Variants in TTLL8 observed in about 807,000 individuals in gnomAD.
TTLL8 encodes tubulin tyrosine ligase like 8.
TTLL8 carries 65 observed loss-of-function variants against 77.8 expected under a neutral mutation model. That is an observed-to-expected ratio of 0.84 (90% CI 0.68 to 1.03). TTLL8 has a LOEUF of 1.03. Among genes scored for constraint, TTLL8 ranks in the 50% least tolerant of loss-of-function variants. TTLL8 has a pLI of 0.00. For synonymous variants in TTLL8, 402 were observed against 422.8 expected, an observed-to-expected ratio of 0.95 and a Z score of 0.60; for missense variants, 910 against 1,004.5, an observed-to-expected ratio of 0.91 and a Z score of 1.27.
At position 50,034,819 on chromosome 22, in the gene TTLL8, G is replaced by A. The variant is rs1008239285; in HGVS notation, c.922-357C>T. Reference sequence around the variant, plus strand: ...TGGGGGTGGGGAGATGCAGCCACGCGGAAACGTGGGAGACACAGGCGGGGG... The same window carrying A: ...TGGGGGTGGGGAGATGCAGCCACGCAGAAACGTGGGAGACACAGGCGGGGG... On this transcript the variant is annotated intron_variant, in intron 8 of 13. Transcript: ENST00000266182. The surrounding 1 kb of genome is among the most constrained non-coding windows in gnomAD (Gnocchi z 4.1). Among the ~76,000 whole-genome samples the A allele has an allele frequency of 1.3e-5, 2 of 152,200 alleles. No homozygotes were observed. The highest frequency in any genetic ancestry group is 1.3e-4 in the Admixed American group (2 of 15,284).
At chr22:50,020,889 ACTCCTC>A (rs2061193138) in intron 12 of TTLL8, among the ~76,000 whole-genome samples, 1 of 130,642 alleles carries the variant, frequency 7.7e-6, no homozygotes, top group African/African-American at 3.0e-5. Context: ...TCTGACGTGC[ACTCCTC>A]CATCTGACGT....
intron 8 of TTLL8, among the ~76,000 whole-genome samples, chr22:50,039,443 G>A (rs2061355125): frequency 6.6e-6 from 1 of 152,164 alleles, no homozygotes; most frequent in South Asian, 2.1e-4. Flanking sequence ...TAATGGCCTA[G>A]AGTATTCTAA....
At position 50,034,051 on chromosome 22, in the gene TTLL8, A is replaced by G. The variant is rs997961752; in HGVS notation, c.1039+294T>C. ...TCCGTTTCAAAAAACTAAAAATAAA[A>G]TAATAAAAATAAAAAACTAAAAAGG... is the stretch of plus-strand genomic sequence containing the variant. On this transcript the variant is annotated intron_variant, in intron 9 of 13. Coordinates refer to ENST00000266182, the Ensembl canonical transcript of TTLL8. This position sits in a 1 kb window ranked among gnomAD's most constrained non-coding sequence, Gnocchi z 4.1. Among the ~76,000 whole-genome samples, 1 of 152,242 alleles carries G rather than the reference A, an allele frequency of 6.6e-6. No individual in the cohort carries two copies. Among genetic ancestry groups the G allele is most frequent in the Admixed American group, 6.5e-5 (1 of 15,284 alleles).
chr22:50,056,819 C>CG, upstream of TTLL8: 3 of 1,289,594 alleles, frequency 2.3e-6, no homozygotes, highest in South Asian at 2.5e-5. This position sits in a 1 kb window ranked among gnomAD's most constrained non-coding sequence, Gnocchi z 4.1. Flanking sequence ...CCTCTGAGCC[C>CG]GGGCCACTCT....
At chr22:50,027,681 C>T in intron 12 of TTLL8, 1 of 985,452 alleles carries the variant, frequency 1.0e-6, no homozygotes, top group Non-Finnish European at 1.2e-6. Context: ...CGGACTGGGC[C>T]TGGTGACCCT....
At chr22:50,050,684 A>G (rs985295694) in intron 1 of TTLL8, among the ~76,000 whole-genome samples, 6 of 152,228 alleles carry the variant, frequency 3.9e-5, no homozygotes, top group African/African-American at 1.4e-4. Context: ...AGTTAAAAAA[A>G]GTAATAATAA....
intron 5 of TTLL8, among the ~76,000 whole-genome samples, chr22:50,045,621 C>A (rs2061405180): frequency 6.6e-6 from 1 of 152,196 alleles, no homozygotes; most frequent in African/African-American, 2.4e-5. Flanking sequence ...CGGCCTTGCC[C>A]CAGCTGCTCG....
chr22:50,056,176 G>A (rs2061469719), upstream of TTLL8, among the ~76,000 whole-genome samples: 1 of 152,212 alleles, frequency 6.6e-6, no homozygotes, highest in African/African-American at 2.4e-5. This position sits in a 1 kb window ranked among gnomAD's most constrained non-coding sequence, Gnocchi z 4.1. Flanking sequence ...ATCTGACAAA[G>A]AGCATGTATC....
intron 6 of TTLL8, among the ~76,000 whole-genome samples, chr22:50,043,760 C>T (rs2061391002): frequency 6.6e-6 from 1 of 152,076 alleles, no homozygotes; most frequent in South Asian, 2.1e-4. Context: ...CGAAGAAGCC[C>T]ATCTGAAAAC....
chr22:50,036,734 G>T (rs2061339503), intron 8 of TTLL8, among the ~76,000 whole-genome samples: 1 of 152,044 alleles, frequency 6.6e-6, no homozygotes, highest in Non-Finnish European at 1.5e-5. Context: ...AAGTAGCTGG[G>T]ATTACAGGCA....
chr22:50,056,739 T>A (rs772024012), upstream of TTLL8: 1 of 1,271,568 alleles, frequency 7.9e-7, no homozygotes. This position sits in a 1 kb window ranked among gnomAD's most constrained non-coding sequence, Gnocchi z 4.1. Flanking sequence ...AGGCGCCTGG[T>A]TCTGCAGCTC....
chr22:50,041,773 G>C lies in TTLL8; in HGVS notation c.678C>G (p.Leu226=). The C allele has an allele frequency of 7.3e-7, 1 of 1,364,038 alleles. No homozygotes were observed. The highest frequency in any genetic ancestry group is 9.8e-7 in the Non-Finnish European group (1 of 1,020,576). The allele number at this position is 1,364,038 out of a possible 1,614,324, so 84.5% of individuals were successfully genotyped here. Residue 226 remains leucine, a synonymous_variant, in exon 7 of 14, where the codon CTC becomes CTG. Coordinates refer to ENST00000266182, the Ensembl canonical transcript of TTLL8. This position sits in a 1 kb window ranked among gnomAD's most constrained non-coding sequence, Gnocchi z 4.3. ...ACGCGATGTCCACAAGCTGCCCCGG[G>C]AGGCCCCTGAGCTTTGCCTCAGCAT...
chr22:50,056,599 A>G (rs1223322225), upstream of TTLL8, among the ~76,000 whole-genome samples: 1 of 152,194 alleles, frequency 6.6e-6, no homozygotes, highest in Non-Finnish European at 1.5e-5. The surrounding 1 kb of genome is among the most constrained non-coding windows in gnomAD (Gnocchi z 4.1). Flanking sequence ...ACCCGCCAGG[A>G]GAGCCCTCCA....
chr22:50,027,790 C>T lies in TTLL8; in HGVS notation c.2203+2640G>A, dbSNP rs966262028. The T allele has an allele frequency of 8.1e-6, 8 of 985,472 alleles. No individual in the cohort carries two copies. The African/African-American group carries it at 1.4e-4, about 17-fold the overall frequency. 61.0% of individuals were successfully genotyped at this position (985,472 alleles called of 1,614,324 possible). On this transcript the variant is annotated intron_variant, in intron 12 of 13. Transcript: ENST00000266182. Reference sequence around the variant, plus strand: ...ACACCAGGCGAGCACTAGCCTGAGGCCGAGGGGCACATGGAGCTGGCCTGA... The same window carrying T: ...ACACCAGGCGAGCACTAGCCTGAGGTCGAGGGGCACATGGAGCTGGCCTGA...
At chr22:50,022,098 GTGC>G in intron 12 of TTLL8, among the ~76,000 whole-genome samples, 1 of 136,598 alleles carries the variant, frequency 7.3e-6, no homozygotes, top group East Asian at 2.3e-4. Context: ...TCCATCTGAC[GTGC>G]ACTCCTCCAT....
intron 1 of TTLL8, among the ~76,000 whole-genome samples, chr22:50,054,071 T>C (rs1004968291): frequency 6.6e-6 from 1 of 152,202 alleles, no homozygotes; most frequent in African/African-American, 2.4e-5. Flanking sequence ...CACCATGCCG[T>C]GCACCTGCAG....
At chr22:50,042,011 GTGTC>G (rs2146675219) in intron 6 of TTLL8, among the ~76,000 whole-genome samples, 1 of 152,316 alleles carries the variant, frequency 6.6e-6, no homozygotes, top group Non-Finnish European at 1.5e-5. Flanking sequence ...TGTCACGCCT[GTGTC>G]TGGGCAGGTG....
chr22:50,040,647 T>G (rs572694701), intron 8 of TTLL8, among the ~76,000 whole-genome samples: 2 of 152,334 alleles, frequency 1.3e-5, no homozygotes, highest in East Asian at 3.9e-4. Flanking sequence ...ATACACTGTG[T>G]GCCCTTAACC....
intron 12 of TTLL8, chr22:50,027,868 G>T (rs1251816944): frequency 1.1e-5 from 10 of 931,364 alleles, no homozygotes; most frequent in Non-Finnish European, 1.3e-5. Context: ...GTGCCCTCGA[G>T]GGCCTGACCG....
Sources: allele counts gnomAD v4.1 joint callset (sites outside exome capture counted in the v4.1 genomes callset), GRCh38; gene constraint gnomAD v4.1.1; non-coding constraint Gnocchi (gnomAD v3.1); transcripts MANE v1.5; gene names NCBI Gene and HGNC (gene_info 2026-07-23, HGNC 2026-07-21).